SLC12A1: variants seen among roughly 807,000 people sequenced by gnomAD.
SLC12A1 encodes the protein solute carrier family 12 member 1.
SLC12A1 carries 89 observed loss-of-function variants against 130.4 expected under a neutral mutation model. That is an observed-to-expected ratio of 0.68 (90% CI 0.58 to 0.81). The LOEUF is 0.81. Among genes scored for constraint, SLC12A1 ranks in the 40% least tolerant of loss-of-function variants. The pLI is 0.00. For synonymous variants in SLC12A1, 499 were observed against 460.0 expected, an observed-to-expected ratio of 1.08 and a Z score of -1.09; for missense variants, 1,310 against 1,336.4, an observed-to-expected ratio of 0.98 and a Z score of 0.31.
chr15:48,284,308 T>C (rs2042036093), intron 20 of SLC12A1, among the ~76,000 whole-genome samples: 1 of 152,220 alleles, frequency 6.6e-6, no homozygotes, highest in Admixed American at 6.5e-5. Context: ...TTTGTTATCT[T>C]TTCTTAATTC....
At chr15:48,208,639 G>C (rs939063559) in intron 2 of SLC12A1, among the ~76,000 whole-genome samples, 1 of 152,198 alleles carries the variant, frequency 6.6e-6, no homozygotes, top group Non-Finnish European at 1.5e-5. Flanking sequence ...ACTTAGGATA[G>C]AGAACTAAAG....
intron 2 of SLC12A1, among the ~76,000 whole-genome samples, chr15:48,211,883 G>A (rs1235364697): frequency 6.6e-6 from 1 of 152,156 alleles, no homozygotes; most frequent in Non-Finnish European, 1.5e-5. Flanking sequence ...AATGACTTGA[G>A]ATCGTAATTG....
intron 7 of SLC12A1, among the ~76,000 whole-genome samples, chr15:48,232,319 C>T (rs143502120): frequency 1.3e-5 from 2 of 152,320 alleles, no homozygotes; most frequent in African/African-American, 2.4e-5. Context: ...TCTGCATTCT[C>T]GAACTGCTGC....
chr15:48,245,572 C>G (rs938221068), intron 11 of SLC12A1, among the ~76,000 whole-genome samples: 1 of 152,212 alleles, frequency 6.6e-6, no homozygotes, highest in Non-Finnish European at 1.5e-5. Flanking sequence ...CCTCTAGCTG[C>G]ATCCACGTTG....
At chr15:48,269,221 TA>T (rs2041866140) in intron 18 of SLC12A1, among the ~76,000 whole-genome samples, 1 of 152,168 alleles carries the variant, frequency 6.6e-6, no homozygotes, top group Non-Finnish European at 1.5e-5. Context: ...ATAACATAAG[TA>T]GAGATTTTAG....
At chr15:48,230,866 G>A (rs1020148449) in intron 7 of SLC12A1, among the ~76,000 whole-genome samples, 1 of 152,202 alleles carries the variant, frequency 6.6e-6, no homozygotes, top group African/African-American at 2.4e-5. Flanking sequence ...CAAGAGAAAT[G>A]GCAAGTGTGT....
Position 48,249,661 on chromosome 15 carries a change from T to C in SLC12A1, c.1771T>C (p.Tyr591His), listed in dbSNP as rs779488249. 1.5e-5 allele frequency: 24 copies of C among 1,613,114 alleles called. No homozygotes were observed. Among genetic ancestry groups the C allele is most frequent in the Non-Finnish European group, 2.0e-5 (23 of 1,179,224 alleles). ...TAATTTCTCCTGCTTCCATGCCTCT[T>C]ATGCCAAATCTCCAGGTAAGCTGAC... ...LINFSCFHAS[Y>H]AKSPGWRPAY... The change falls in exon 14 of 27, where the codon TAT becomes CAT. Residue 591 changes from tyrosine to histidine, a missense_variant. Tyr to His is a moderately conservative substitution (Grantham distance 83). Transcript: ENST00000380993.
chr15:48,233,039 A>T (rs374949874), intron 8 of SLC12A1, among the ~76,000 whole-genome samples: 2 of 152,216 alleles, frequency 1.3e-5, no homozygotes, highest in East Asian at 3.8e-4. Flanking sequence ...TCTGAAACCC[A>T]GTACTTCACC....
intron 21 of SLC12A1, among the ~76,000 whole-genome samples, 164 bp from the exon 22 acceptor site, chr15:48,287,879 T>C (rs2042075987): frequency 6.6e-6 from 1 of 152,236 alleles, no homozygotes. Context: ...TATTCTGGGA[T>C]TGGACTTTTA....
intron 2 of SLC12A1, among the ~76,000 whole-genome samples, chr15:48,219,791 A>G (rs979898113): frequency 3.3e-5 from 5 of 151,400 alleles, no homozygotes; most frequent in Non-Finnish European, 5.9e-5. Context: ...GGTGGCTCAC[A>G]CCTCTAATCC....
Position 48,288,397 on chromosome 15 carries a change from T to C in SLC12A1, c.2762-8T>C, listed in dbSNP as rs1443675208. ...ACTCATTGTGTCATAATTTATTCTT[T>C]ATTCCAGGGTTAACACTTCTTATCC... On this transcript the variant is annotated splice_polypyrimidine_tract_variant and splice_region_variant and intron_variant, in intron 22 of 26. Coordinates refer to ENST00000380993, the MANE Select transcript of SLC12A1 (RefSeq NM_000338.3). 5 of 1,368,564 alleles carry C rather than the reference T, an allele frequency of 3.7e-6. No individual in the cohort carries two copies. The highest frequency in any genetic ancestry group is 1.3e-5 in the South Asian group (1 of 78,352). The allele number at this position is 1,368,564 out of a possible 1,614,324, so 84.8% of individuals were successfully genotyped here.
chr15:48,220,811 T>A, intron 3 of SLC12A1, 46 bp downstream of exon 3: 1 of 1,613,002 alleles, frequency 6.2e-7, no homozygotes, highest in Non-Finnish European at 8.5e-7. Context: ...CCATTCAATG[T>A]TCTAGTGGAT....
intron 20 of SLC12A1, among the ~76,000 whole-genome samples, chr15:48,281,645 G>A (rs1348102714): frequency 1.3e-5 from 2 of 152,206 alleles, no homozygotes; most frequent in Non-Finnish European, 2.9e-5. Flanking sequence ...CTGAGCCCAA[G>A]TTTCCTTTTT....
At chr15:48,279,409 A>G (rs1403607908) in intron 20 of SLC12A1, among the ~76,000 whole-genome samples, 1 of 152,228 alleles carries the variant, frequency 6.6e-6, no homozygotes, top group Non-Finnish European at 1.5e-5. Flanking sequence ...CATATACTGT[A>G]GTTAATAAAG....
At chr15:48,281,859 T>C (rs1479552857) in intron 20 of SLC12A1, among the ~76,000 whole-genome samples, 1 of 152,220 alleles carries the variant, frequency 6.6e-6, no homozygotes, top group Non-Finnish European at 1.5e-5. Flanking sequence ...CTGGCTCCCC[T>C]TGTGGCTAAT....
At chr15:48,255,931 A>AT (rs749912733) in intron 16 of SLC12A1, 21 bp downstream of exon 16, 31 of 1,484,400 alleles carry the variant, frequency 2.1e-5, no homozygotes, top group African/African-American at 2.8e-5. Context: ...TGTCTCAGGC[A>AT]TCCTGGTGTT....
intron 2 of SLC12A1, among the ~76,000 whole-genome samples, chr15:48,220,147 A>ATAGG (rs2041188985): frequency 6.7e-6 from 1 of 148,854 alleles, no homozygotes; most frequent in African/African-American, 2.5e-5. Context: ...AGATAGATAG[A>ATAGG]TAGATAGATA....
chr15:48,237,743 A>G (rs11633336), intron 9 of SLC12A1, among the ~76,000 whole-genome samples: 93,912 of 152,110 alleles, frequency 0.62, 33,445 homozygotes, highest in Non-Finnish European at 0.8. Flanking sequence ...TACAGACAAT[A>G]GAGTTTGGAT....
rs896491015 is a variant in SLC12A1 at position 48,271,168 on chromosome 15, C to T, written c.2402+1404C>T. Among the ~76,000 whole-genome samples, 9 of 151,938 alleles carry T rather than the reference C, an allele frequency of 5.9e-5. 1 individual carries two copies. The South Asian group carries it at 1.2e-3, about 21-fold the overall frequency. ...TGAAGGTTGCAGTGAGCTGAGATTGCGCCACTGCACTCCAGCCTGGGCAAC... is the reference window on the plus strand; with the variant it reads ...TGAAGGTTGCAGTGAGCTGAGATTGTGCCACTGCACTCCAGCCTGGGCAAC... On this transcript the variant is annotated intron_variant, in intron 19 of 26. Coordinates refer to ENST00000380993, the MANE Select transcript of SLC12A1 (RefSeq NM_000338.3).
Sources: allele counts gnomAD v4.1 joint callset (sites outside exome capture counted in the v4.1 genomes callset), GRCh38; gene constraint gnomAD v4.1.1; transcripts MANE v1.5; gene names NCBI Gene and HGNC (gene_info 2026-07-23, HGNC 2026-07-21).